Variants in TMEM50A observed in about 807,000 individuals in gnomAD.
TMEM50A encodes the protein cervical cancer oncogene 9.
A neutral mutation model predicts 23.9 loss-of-function variants in TMEM50A; 8 were observed. The ratio of observed to expected loss-of-function variants is 0.33; its 90% CI spans 0.20 to 0.60. TMEM50A has a LOEUF of 0.60. TMEM50A is among the 20% of genes least tolerant of loss of function. The pLI is 0.81. For synonymous variants in TMEM50A, 55 were observed against 60.4 expected, an observed-to-expected ratio of 0.91 and a Z score of 0.41; for missense variants, 178 against 192.7, an observed-to-expected ratio of 0.92 and a Z score of 0.45.
In TMEM50A at chr1:25,343,089, A is replaced by G. The variant is rs1484289479; in HGVS notation, c.206+16A>G. 2 of 1,582,458 alleles carry G rather than the reference A, an allele frequency of 1.3e-6. No homozygotes were observed. The highest frequency in any genetic ancestry group is 1.7e-6 in the Non-Finnish European group (2 of 1,159,900). Reference sequence around the variant, plus strand: ...CCTTCCTAATGTAAGTGTCATCGTAATTGGCATTACTTACATAGCTTGCCA... The same window carrying G: ...CCTTCCTAATGTAAGTGTCATCGTAGTTGGCATTACTTACATAGCTTGCCA... On this transcript the variant is annotated intron_variant, in intron 3 of 6. Transcript: ENST00000374358.
At chr1:25,345,612 G>A (rs1645206816) in intron 3 of TMEM50A, among the ~76,000 whole-genome samples, 1 of 151,324 alleles carries the variant, frequency 6.6e-6, no homozygotes, top group East Asian at 2.0e-4. Flanking sequence ...CAGGCACGGT[G>A]TTGCGTGCCT....
At chr1:25,353,908 T>G (rs892844398) in intron 5 of TMEM50A, among the ~76,000 whole-genome samples, 6 of 152,236 alleles carry the variant, frequency 3.9e-5, no homozygotes, top group African/African-American at 1.4e-4. Context: ...AAATAATGTT[T>G]CCTAAATTTT....
intron 6 of TMEM50A, among the ~76,000 whole-genome samples, chr1:25,360,374 A>G (rs1571811060): frequency 6.6e-6 from 1 of 152,038 alleles, no homozygotes; most frequent in East Asian, 1.9e-4. Context: ...AATCAGACAT[A>G]TAATGGTTAC....
intron 3 of TMEM50A, among the ~76,000 whole-genome samples, chr1:25,350,144 A>T (rs1270351011): frequency 6.6e-6 from 1 of 152,214 alleles, no homozygotes; most frequent in Non-Finnish European, 1.5e-5. Context: ...AAGTTATTGT[A>T]TTGTTTGAAA....
At chr1:25,350,579 G>T (rs1012648766) in intron 3 of TMEM50A, among the ~76,000 whole-genome samples, 12 of 151,944 alleles carry the variant, frequency 7.9e-5, no homozygotes, top group Non-Finnish European at 1.5e-5. Flanking sequence ...GTAGAGACGG[G>T]GTTTCTCTGT....
chr1:25,340,207 A>T (rs1459607237), intron 1 of TMEM50A, among the ~76,000 whole-genome samples: 1 of 152,182 alleles, frequency 6.6e-6, no homozygotes, highest in African/African-American at 2.4e-5. Flanking sequence ...AATTGGTAGG[A>T]TTACGGGCAT....
At chr1:25,349,641 T>TA in intron 3 of TMEM50A, among the ~76,000 whole-genome samples, 1 of 152,268 alleles carries the variant, frequency 6.6e-6, no homozygotes, top group East Asian at 1.9e-4. Context: ...TTTTCATAGA[T>TA]ACAAGGTCTT....
At chr1:25,345,593 T>C (rs985274045) in intron 3 of TMEM50A, among the ~76,000 whole-genome samples, 5 of 119,380 alleles carry the variant, frequency 4.2e-5, no homozygotes, top group Non-Finnish European at 9.1e-5. Flanking sequence ...AACTAAAAAA[T>C]AAATTAGCCA....
Position 25,360,702 on chromosome 1 carries a change from G to A in TMEM50A, c.471G>A (p.Gln157=), listed in dbSNP as rs369515726. ...TTGGCCGCACTGAAGACTTATGGCA[G>A]TGAACACATCTGATTTCCCACAGCA... ...FKFGRTEDLW[Q] Residue 157 remains glutamine (Q), a synonymous_variant, in exon 7 of 7, where the codon CAG becomes CAA. Coordinates refer to ENST00000374358, the MANE Select transcript of TMEM50A (RefSeq NM_014313.4). 1 of 1,614,018 alleles carries A rather than the reference G, an allele frequency of 6.2e-7. No homozygotes were observed. Among genetic ancestry groups the A allele is most frequent in the Non-Finnish European group, 8.5e-7 (1 of 1,180,024 alleles).
intron 2 of TMEM50A, chr1:25,342,460 T>G (rs1186090060): frequency 6.6e-6 from 1 of 152,352 alleles, no homozygotes; most frequent in Non-Finnish European, 1.5e-5. Context: ...AAACCATATT[T>G]AGACTGCACT....
At position 25,362,166 on chromosome 1, in the gene TMEM50A, A is replaced by T; in HGVS notation, c.*1461A>T. ...GTGATTTGTAATTTTCCTGTTTTGT[A>T]TTATCTGCTTTGCTGATGTAGACAA... On this transcript the variant is annotated 3_prime_UTR_variant, in exon 7 of 7. Coordinates refer to ENST00000374358, the MANE Select transcript of TMEM50A (RefSeq NM_014313.4). The T allele has an allele frequency of 2.4e-6, 1 of 413,996 alleles. No individual in the cohort carries two copies. The allele number at this position is 413,996 out of a possible 1,614,324, so 25.6% of individuals were successfully genotyped here.
intron 3 of TMEM50A, among the ~76,000 whole-genome samples, chr1:25,351,192 G>T (rs1645272260): frequency 6.6e-6 from 1 of 151,498 alleles, no homozygotes; most frequent in Non-Finnish European, 1.5e-5. Context: ...AGGAGTATCT[G>T]GTTGAAGAGA....
In TMEM50A at chr1:25,360,715, A is replaced by G. The variant is rs779274327; in HGVS notation, c.*10A>G. ...AGACTTATGGCAGTGAACACATCTGATTTCCCACAGCACAACAGCCCTGCA... is the reference window on the plus strand; with the variant it reads ...AGACTTATGGCAGTGAACACATCTGGTTTCCCACAGCACAACAGCCCTGCA... On this transcript the variant is annotated 3_prime_UTR_variant, in exon 7 of 7. Transcript: ENST00000374358. 1 of 1,613,994 alleles carries G rather than the reference A, an allele frequency of 6.2e-7. No individual in the cohort carries two copies. Among genetic ancestry groups the G allele is most frequent in the Non-Finnish European group, 8.5e-7 (1 of 1,179,962 alleles).
chr1:25,340,546 C>T lies in TMEM50A; in HGVS notation c.60C>T (p.Arg20=), dbSNP rs529037921. 5.6e-6 allele frequency: 9 copies of T among 1,613,572 alleles called. No individual in the cohort carries two copies. The highest frequency in any genetic ancestry group is 5.9e-6 in the Non-Finnish European group (7 of 1,179,862). ...CSECIDWGEK[R]NTIASIAAGV... ...AATGCATTGACTGGGGGGAAAAGCGCAATACTATTGCTTCCATTGCTGCTG... is the reference window on the plus strand; with the variant it reads ...AATGCATTGACTGGGGGGAAAAGCGTAATACTATTGCTTCCATTGCTGCTG... Residue 20 remains arginine (R), a synonymous_variant, in exon 2 of 7, where the codon CGC becomes CGT. Transcript: ENST00000374358.
intron 4 of TMEM50A, among the ~76,000 whole-genome samples, chr1:25,352,233 C>T (rs1645281480): frequency 1.3e-5 from 2 of 152,048 alleles, no homozygotes; most frequent in Non-Finnish European, 2.9e-5. Context: ...CAGTGGCTCA[C>T]GGCTGTAATC....
chr1:25,354,207 C>T (rs938792189), intron 5 of TMEM50A, among the ~76,000 whole-genome samples: 1 of 152,068 alleles, frequency 6.6e-6, no homozygotes, highest in Non-Finnish European at 1.5e-5. Flanking sequence ...CCAGGCTGGT[C>T]TCAAACTCCT....
intron 2 of TMEM50A, among the ~76,000 whole-genome samples, chr1:25,341,990 CT>C (rs1382774181): frequency 6.6e-6 from 1 of 152,018 alleles, no homozygotes; most frequent in Non-Finnish European, 1.5e-5. Flanking sequence ...AGATTACAGG[CT>C]ATTGCACCTG....
chr1:25,355,462 T>A (rs1437901658), intron 5 of TMEM50A, among the ~76,000 whole-genome samples: 3 of 152,142 alleles, frequency 2.0e-5, no homozygotes, highest in Non-Finnish European at 4.4e-5. Context: ...TAATACAGGG[T>A]CCCTTTTTAT....
chr1:25,356,116 A>C (rs1188832204), intron 5 of TMEM50A, among the ~76,000 whole-genome samples: 1 of 152,094 alleles, frequency 6.6e-6, no homozygotes, highest in Admixed American at 6.6e-5. Context: ...GCCTCCTTTA[A>C]TCTACCCTCA....
Sources: allele counts gnomAD v4.1 joint callset (sites outside exome capture counted in the v4.1 genomes callset), GRCh38; gene constraint gnomAD v4.1.1; transcripts MANE v1.5; gene names NCBI Gene and HGNC (gene_info 2026-07-23, HGNC 2026-07-21).